Variants in NLRP8 observed in about 807,000 individuals in gnomAD.
NLRP8 encodes NLR family pyrin domain containing 8.
NLRP8 carries 86 observed loss-of-function variants against 88.7 expected under a neutral mutation model. The observed-to-expected ratio is 0.97, with a 90% CI of 0.81 to 1.16. The LOEUF is 1.16. Ranked by LOEUF, NLRP8 falls within the 50% of genes most tolerant of loss-of-function variation. The probability of loss-of-function intolerance (pLI) is 0.00; values close to 1 mark genes in which losing one functional copy is unlikely to be tolerated. For missense variants in NLRP8, 1,342 were observed against 1,286.5 expected (o/e 1.04, Z -0.66); for synonymous variants, 504 against 494.6 (o/e 1.02, Z -0.25).
intron 3 of NLRP8, among the ~76,000 whole-genome samples, chr19:55,957,679 ATATAT>A: frequency 6.9e-4 from 1 of 1,440 alleles, no homozygotes; most frequent in African/African-American, 1.3e-3. Context: ...ATAATTATAT[ATATAT>A]ATATATATAT....
chr19:55,987,991 C>T lies in NLRP8; in HGVS notation c.*78C>T. The T allele has an allele frequency of 9.3e-7, 1 of 1,075,658 alleles. No individual in the cohort carries two copies. The allele number at this position is 1,075,658 out of a possible 1,614,324, so 66.6% of individuals were successfully genotyped here. A position where few individuals can be genotyped will look rare whatever the true frequency, so the allele number is the denominator to read the frequency against. On this transcript the variant is annotated 3_prime_UTR_variant, in exon 10 of 10. Coordinates refer to ENST00000291971, the MANE Select transcript of NLRP8 (RefSeq NM_176811.2). ...ACTGGCAAATACCAGGCGTTATCAT[C>T]CTGTATGCATTAACGTACTTTCCCC... is the stretch of plus-strand genomic sequence containing the variant.
At chr19:55,949,052 G>A (rs1431842437) in intron 1 of NLRP8, among the ~76,000 whole-genome samples, 2 of 152,116 alleles carry the variant, frequency 1.3e-5, no homozygotes, top group Non-Finnish European at 2.9e-5. Context: ...TTTGCTTTCT[G>A]AAGTTTGGGT....
Position 55,956,006 on chromosome 19 carries a change from A to G in NLRP8, c.1948A>G (p.Lys650Glu), listed in dbSNP as rs1979340708. 1 of 1,613,992 alleles carries G rather than the reference A, an allele frequency of 6.2e-7. No individual in the cohort carries two copies. The highest frequency in any genetic ancestry group is 8.5e-7 in the Non-Finnish European group (1 of 1,180,016). The stretch of plus-strand genomic sequence containing the variant: ...AGTTCAAGTGTCTGCTTTTTGCCTG[A>G]AGCGGTGTCAATATTTGCATGAGGT... The change falls in exon 3 of 10, where the codon AAG (lysine) becomes GAG (glutamate). Residue 650 changes from lysine (K) to glutamate (E), a missense_variant. Lys to Glu is a moderately conservative substitution (Grantham distance 56). Coordinates refer to ENST00000291971, the MANE Select transcript of NLRP8 (RefSeq NM_176811.2).
intron 1 of NLRP8, 72 bp downstream of exon 1, chr19:55,948,341 C>G: frequency 6.8e-7 from 1 of 1,477,202 alleles, no homozygotes; most frequent in Non-Finnish European, 9.2e-7. Context: ...CTAGTCACCA[C>G]CCCTATCACT....
intron 3 of NLRP8, among the ~76,000 whole-genome samples, chr19:55,957,671 AATTATATATATATATATAT>A (rs1403431302): frequency 1.6e-4 from 9 of 55,362 alleles, no homozygotes; most frequent in South Asian, 8.5e-4. Context: ...AAAAAATAAT[AATTATATATATATATATAT>A]ATATATATAT....
rs1979256341 is a variant in NLRP8 at position 55,954,770 on chromosome 19, T to C, written c.712T>C (p.Trp238Arg). The change falls in exon 3 of 10, where the codon TGG becomes CGG. Residue 238 changes from tryptophan (W) to arginine (R), a missense_variant. Physicochemically the swap from Trp to Arg is moderately radical, Grantham distance 101. Transcript: ENST00000291971. ...AAACAAGTTCTACGCCCACAAGCGC[T>C]GGTGTGCTTTCTACTTCCATTGCCA... 5.0e-6 allele frequency: 8 copies of C among 1,614,228 alleles called. No homozygotes were observed. The highest frequency in any genetic ancestry group is 6.8e-6 in the Non-Finnish European group (8 of 1,180,040).
At chr19:55,984,673 A>C (rs917628532) in intron 9 of NLRP8, among the ~76,000 whole-genome samples, 2 of 116,462 alleles carry the variant, frequency 1.7e-5, no homozygotes, top group Non-Finnish European at 3.2e-5. Flanking sequence ...AAAAAAAAAA[A>C]ACAACAGTTG....
Position 55,955,899 on chromosome 19 carries a change from A to C in NLRP8, c.1841A>C (p.His614Pro), listed in dbSNP as rs754128390. ...GTCCCGCAGTTATTCTACTGTCTGC[A>C]TGAAATCCGGGAGGAAGCCTTTGTA... The change falls in exon 3 of 10, where the codon CAT becomes CCT. Residue 614 changes from histidine to proline, a missense_variant. Physicochemically the swap from His to Pro is moderately conservative, Grantham distance 77. Coordinates refer to ENST00000291971, the MANE Select transcript of NLRP8 (RefSeq NM_176811.2). 2.5e-6 allele frequency: 4 copies of C among 1,614,198 alleles called. 1 individual carries two copies. In the South Asian group the frequency reaches 3.3e-5, roughly 13 times the overall value.
chr19:55,953,261 A>T (rs976253103), intron 2 of NLRP8, among the ~76,000 whole-genome samples: 1 of 152,094 alleles, frequency 6.6e-6, no homozygotes, highest in Non-Finnish European at 1.5e-5. Flanking sequence ...CCTGGATGGG[A>T]CCATCGAGTT....
At chr19:55,970,049 G>T (rs866282245) in intron 5 of NLRP8, among the ~76,000 whole-genome samples, 2 of 152,226 alleles carry the variant, frequency 1.3e-5, no homozygotes, top group Middle Eastern at 3.4e-3. Flanking sequence ...AAGCATTGAG[G>T]TCTATTGCAC....
Position 55,948,117 on chromosome 19 carries a change from C to G in NLRP8, c.215C>G (p.Thr72Ser), listed in dbSNP as rs771692151. 18 of 1,614,066 alleles carry G rather than the reference C, an allele frequency of 1.1e-5. No homozygotes were observed. The highest frequency in any genetic ancestry group is 1.5e-5 in the Non-Finnish European group (18 of 1,180,026). The change falls in exon 1 of 10, where the codon ACC becomes AGC. Residue 72 changes from threonine (T) to serine (S), a missense_variant. By Grantham distance (58) the Thr-to-Ser change is moderately conservative (BLOSUM62 1). Coordinates refer to ENST00000291971, the MANE Select transcript of NLRP8 (RefSeq NM_176811.2). ...CTCAGTACTGGCACCATGCCCATCA[C>G]CTGGGACCAGGTCGAGACAGCCAGC...
rs189342546 is a variant in NLRP8 at position 55,962,567 on chromosome 19, C to G, written c.2213+330C>G. ...CAGTGGGTCACGGAATTCCTGACAT[C>G]TCCCTGGTGCACTTCAATGCGCCCA... On this transcript the variant is annotated intron_variant, in intron 4 of 9. Coordinates refer to ENST00000291971, the MANE Select transcript of NLRP8 (RefSeq NM_176811.2). 4.6e-5 allele frequency among the ~76,000 whole-genome samples: 7 copies of G among 152,320 alleles called. No individual in the cohort carries two copies. The East Asian group carries it at 1.2e-3, about 25-fold the overall frequency.
At chr19:55,949,112 C>T (rs915936550) in intron 1 of NLRP8, among the ~76,000 whole-genome samples, 5 of 152,126 alleles carry the variant, frequency 3.3e-5, no homozygotes, top group Non-Finnish European at 7.4e-5. Context: ...TATTCTGAGA[C>T]AGAGAGAGAC....
intron 3 of NLRP8, among the ~76,000 whole-genome samples, chr19:55,956,529 C>T (rs906197084): frequency 1.3e-5 from 2 of 152,142 alleles, no homozygotes. Context: ...CAGGCATGAG[C>T]CATCGCACGC....
At chr19:55,969,963 G>A (rs117031128) in intron 5 of NLRP8, among the ~76,000 whole-genome samples, 8 of 152,214 alleles carry the variant, frequency 5.3e-5, no homozygotes, top group South Asian at 4.1e-4. Context: ...CTTCTCTAAC[G>A]TCACTGGATC....
At chr19:55,978,064 A>G (rs978905792) in intron 8 of NLRP8, among the ~76,000 whole-genome samples, 3 of 152,008 alleles carry the variant, frequency 2.0e-5, no homozygotes, top group Non-Finnish European at 4.4e-5. Flanking sequence ...CTTGTATGAG[A>G]TTATTATTAT....
At chr19:55,956,528 G>T (rs1387582338) in intron 3 of NLRP8, among the ~76,000 whole-genome samples, 1 of 152,070 alleles carries the variant, frequency 6.6e-6, no homozygotes, top group Non-Finnish European at 1.5e-5. Context: ...ACAGGCATGA[G>T]CCATCGCACG....
At chr19:55,972,522 G>A (rs543037328) in intron 6 of NLRP8, among the ~76,000 whole-genome samples, 1 of 151,390 alleles carries the variant, frequency 6.6e-6, no homozygotes, top group Non-Finnish European at 1.5e-5. Context: ...ATTTTTGCAC[G>A]CCCAACATCC....
Position 55,973,741 on chromosome 19 carries a change from C to A in NLRP8, c.2624C>A (p.Ala875Glu), listed in dbSNP as rs141332927. 1.2e-5 allele frequency: 20 copies of A among 1,613,946 alleles called. No homozygotes were observed. In the African/African-American group the frequency reaches 2.7e-4, roughly 22 times the overall value. The change falls in exon 7 of 10, where the codon GCA (alanine) becomes GAA (glutamate). Residue 875 changes from alanine to glutamate, a missense_variant. Transcript: ENST00000291971. The stretch of plus-strand genomic sequence containing the variant: ...AAGATGCTGACCCACCTGAGCTTGG[C>A]AGAAAACGCCTTGAAAGATGAAGGG...
Sources: gnomAD v4.1 joint callset for allele counts (sites outside exome capture counted in the v4.1 genomes callset) on GRCh38, gnomAD v4.1.1 for gene constraint, MANE v1.5 for transcripts, NCBI Gene and HGNC (gene_info 2026-07-23, HGNC 2026-07-21) for gene names.